Variants in PAM observed in about 807,000 individuals in gnomAD.
PAM encodes the protein peptidyl-glycine alpha-amidating monooxygenase.
In PAM, 72 loss-of-function variants were observed where a neutral mutation model predicts 122.1. The observed-to-expected ratio is 0.59, with a 90% confidence interval of 0.49 to 0.72. The LOEUF (loss-of-function observed/expected upper bound fraction) is 0.72, where lower values mean the gene tolerates loss of function less well. PAM is among the 30% of genes least tolerant of loss of function. The pLI is 0.00. For synonymous variants in PAM, 389 were observed against 404.4 expected, an observed-to-expected ratio of 0.96 and a Z score of 0.46; for missense variants, 1,106 against 1,183.7, an observed-to-expected ratio of 0.93 and a Z score of 0.96.
chr5:102,758,058 A>G (rs1315526517), intron 1 of PAM, among the ~76,000 whole-genome samples: 4 of 107,822 alleles, frequency 3.7e-5, no homozygotes, highest in Non-Finnish European at 5.8e-5. Flanking sequence ...AAAAAAAAAA[A>G]AGACTTAGAA....
rs116439808 is a variant in PAM, at chr5:102,868,563, A to G, written c.210+1170A>G. On this transcript the variant is annotated intron_variant, in intron 3 of 25. Transcript: ENST00000438793. ...CTTTTTATTTAGTATTTAACCGCAA[A>G]AAGTGTAATGAGATTGAGACTAGGA... Among the ~76,000 whole-genome samples the G allele has an allele frequency of 5.3e-3, 806 of 152,332 alleles. 9 individuals are homozygous for G. The highest frequency in any genetic ancestry group is 0.018 in the African/African-American group (728 of 41,572).
At chr5:102,915,669 T>C (rs564409138) in intron 5 of PAM, among the ~76,000 whole-genome samples, 74 of 152,248 alleles carry the variant, frequency 4.9e-4, no homozygotes, top group South Asian at 3.7e-3. Flanking sequence ...TACCTTTGAA[T>C]TGGACTCATT....
intron 1 of PAM, among the ~76,000 whole-genome samples, chr5:102,862,587 TAA>T (rs1223596810): frequency 2.0e-5 from 3 of 152,210 alleles, no homozygotes; most frequent in Non-Finnish European, 4.4e-5. Context: ...GTAATTTCTA[TAA>T]GAGTGGGAAC....
chr5:102,795,739 C>T (rs1370227114), intron 1 of PAM, among the ~76,000 whole-genome samples: 1 of 152,124 alleles, frequency 6.6e-6, no homozygotes, highest in African/African-American at 2.4e-5. Context: ...CGGAAAGTCA[C>T]AAAAATATGT....
chr5:102,876,101 C>T (rs77580105), intron 3 of PAM, among the ~76,000 whole-genome samples: 2,353 of 152,156 alleles, frequency 0.015, 60 homozygotes, highest in African/African-American at 0.054. Flanking sequence ...TGGCAATTCC[C>T]GTGGTATAAT....
At chr5:102,882,047 C>T (rs1344813675) in intron 3 of PAM, among the ~76,000 whole-genome samples, 15 of 93,724 alleles carry the variant, frequency 1.6e-4, no homozygotes, top group Admixed American at 4.2e-4. Context: ...AGTATTCCAT[C>T]GTGGAATATA....
At chr5:102,955,274 A>G (rs1760346650) in intron 12 of PAM, among the ~76,000 whole-genome samples, 1 of 151,972 alleles carries the variant, frequency 6.6e-6, no homozygotes, top group Admixed American at 6.6e-5. Context: ...TCTTTCTAAT[A>G]TAATATATTT....
At chr5:102,864,069 A>G (rs1276427362) in intron 1 of PAM, among the ~76,000 whole-genome samples, 2 of 150,940 alleles carry the variant, frequency 1.3e-5, no homozygotes, top group African/African-American at 4.8e-5. Context: ...TTTGTTTTCA[A>G]GTGTTTGTGT....
At position 102,907,969 on chromosome 5, in the gene PAM, T is replaced by G. The variant is rs1160009906; in HGVS notation, c.269-5965T>G. Among the ~76,000 whole-genome samples the G allele has an allele frequency of 4.2e-4, 64 of 151,966 alleles. No individual in the cohort carries two copies. In the East Asian group the frequency reaches 5.1e-3, roughly 12 times the overall value. ...TTTCTTTTGCTGTGCAGAAGCTCTT[T>G]AGTTTAATTAGATCCCATTTGTCAA... On this transcript the variant is annotated intron_variant, in intron 4 of 25. Coordinates refer to ENST00000438793, the MANE Select transcript of PAM (RefSeq NM_001177306.2).
intron 1 of PAM, among the ~76,000 whole-genome samples, chr5:102,799,845 A>G (rs575784778): frequency 2.0e-5 from 3 of 152,218 alleles, no homozygotes; most frequent in South Asian, 2.1e-4. Context: ...TCTTCTTTCT[A>G]TTTTGTTGAC....
intron 1 of PAM, among the ~76,000 whole-genome samples, chr5:102,825,501 C>T (rs1471111567): frequency 2.6e-5 from 4 of 152,186 alleles, no homozygotes; most frequent in East Asian, 3.9e-4. Context: ...TGTCAACATG[C>T]GATGCTGGGA....
chr5:102,902,895 G>A (rs1421773417), intron 4 of PAM, among the ~76,000 whole-genome samples: 1 of 151,366 alleles, frequency 6.6e-6, no homozygotes, highest in East Asian at 1.9e-4. Flanking sequence ...GAGATTGGTG[G>A]TAGTATATGA....
rs757530233 is a variant in PAM at position 103,017,375 on chromosome 5, G to A, written c.2373G>A (p.Gly791=). ...MPHDIVASED[G]TVYIGDAHTN... ...ATGATATTGTTGCATCTGAAGATGG[G>A]ACTGTGTACATTGGAGATGCTCATA... Residue 791 remains glycine, a synonymous_variant, in exon 22 of 26, where the codon GGG becomes GGA. Transcript: ENST00000438793. The A allele has an allele frequency of 1.2e-6, 2 of 1,612,768 alleles. No individual in the cohort carries two copies.
At position 103,019,820 on chromosome 5, in the gene PAM, G is replaced by C; in HGVS notation, c.2462G>C (p.Gly821Ala). The C allele has an allele frequency of 6.2e-7, 1 of 1,608,022 alleles. No individual in the cohort carries two copies. The highest frequency in any genetic ancestry group is 1.7e-5 in the Admixed American group (1 of 59,968). The change falls in exon 23 of 26, where the codon GGC becomes GCC. Residue 821 changes from glycine (G) to alanine (A), a missense_variant. Gly to Ala is a moderately conservative substitution (Grantham distance 60). Around this residue, in one of 3 missense-constraint regions of PAM, gnomAD observed 333 missense variants for 335.6 expected, o/e 0.99. Coordinates refer to ENST00000438793, the MANE Select transcript of PAM (RefSeq NM_001177306.2). ...KLEHRSVKKA[G>A]IEVQEIKEAE... is the part of the protein sequence containing the mutation. ...GAACATCGATCAGTTAAAAAGGCTG[G>C]CATTGAGGTCCAGGAAATCAAAGGT...
chr5:103,028,959 A>T lies in PAM; in HGVS notation c.2816A>T (p.Asp939Val), dbSNP rs771248845. 2 of 1,613,894 alleles carry T rather than the reference A, an allele frequency of 1.2e-6. No homozygotes were observed. The change falls in exon 26 of 26, where the codon GAC becomes GTC. Residue 939 changes from aspartate to valine, a missense_variant. Asp to Val is a radical substitution (Grantham distance 152). Around this residue, in one of 3 missense-constraint regions of PAM, gnomAD observed 333 missense variants for 335.6 expected, o/e 0.99. Coordinates refer to ENST00000438793, the MANE Select transcript of PAM (RefSeq NM_001177306.2). ...SRKGYSRKGF[D>V]RLSTEGSDQE... is the part of the protein sequence containing the mutation. ...AAGGGCTACAGTCGAAAAGGGTTTG[A>T]CCGGCTTAGCACTGAGGGCAGTGAC... is the stretch of plus-strand genomic sequence containing the variant.
intron 15 of PAM, among the ~76,000 whole-genome samples, chr5:102,984,940 G>C (rs930710711): frequency 4.0e-5 from 6 of 151,866 alleles, no homozygotes; most frequent in African/African-American, 1.5e-4. Flanking sequence ...TTTGGAAGCT[G>C]TACAAATACA....
chr5:102,950,933 A>G, intron 12 of PAM, 113 bp downstream of exon 12: 1 of 646,448 alleles, frequency 1.5e-6, no homozygotes, highest in Non-Finnish European at 2.7e-6. Context: ...GTCATGGACA[A>G]TTACAACAAA....
intron 4 of PAM, among the ~76,000 whole-genome samples, chr5:102,911,070 G>A (rs757575520): frequency 6.6e-6 from 1 of 151,910 alleles, no homozygotes; most frequent in Admixed American, 6.6e-5. Context: ...CAGTGAAATT[G>A]TCCAAGTGCT....
At chr5:102,929,651 T>A (rs1374421506) in intron 7 of PAM, among the ~76,000 whole-genome samples, 1 of 152,108 alleles carries the variant, frequency 6.6e-6, no homozygotes, top group African/African-American at 2.4e-5. Context: ...TTGAGAAACT[T>A]AGGATCTTTC....
Sources: gnomAD v4.1 joint callset for allele counts (sites outside exome capture counted in the v4.1 genomes callset) on GRCh38, gnomAD v4.1.1 for gene constraint, gnomAD v4.1.1 regional missense constraint, MANE v1.5 for transcripts, NCBI Gene and HGNC (gene_info 2026-07-23, HGNC 2026-07-21) for gene names.